HINT3: variants seen among roughly 807,000 people sequenced by gnomAD.
The protein encoded by HINT3 is adenosine 5'-monophosphoramidase HINT3.
In HINT3, 16 loss-of-function variants were observed where a neutral mutation model predicts 19.1. The observed-to-expected ratio is 0.84, with a 90% confidence interval of 0.57 to 1.27. HINT3 has a LOEUF of 1.27. Among genes scored for constraint, HINT3 ranks in the 50% most tolerant of loss-of-function variants. The probability of loss-of-function intolerance (pLI) is 0.00; values close to 1 mark genes in which losing one functional copy is unlikely to be tolerated. For synonymous variants in HINT3, 75 were observed against 84.8 expected (o/e 0.88, Z 0.63); for missense variants, 197 against 225.8 (o/e 0.87, Z 0.82).
intron 1 of HINT3, among the ~76,000 whole-genome samples, chr6:125,958,068 A>G (rs1400593472): frequency 6.6e-6 from 1 of 152,068 alleles, no homozygotes; most frequent in Non-Finnish European, 1.5e-5. Flanking sequence ...ATTTTACAGT[A>G]TTTTGTAAGC....
rs1562216734 is a variant in HINT3 at position 125,979,654 on chromosome 6, TG to T, written c.*1979del. On this transcript the variant is annotated 3_prime_UTR_variant, in exon 5 of 5. Coordinates refer to ENST00000229633, the MANE Select transcript of HINT3 (RefSeq NM_138571.5). ...CTGTAGTCCCAGCTACTGGGGAGGC[TG>T]AGGCAAGAGAATTGCTTGAACTCGG... The T allele has an allele frequency of 6.6e-6, 1 of 152,224 alleles. No individual in the cohort carries two copies. The highest frequency in any genetic ancestry group is 1.5e-5 in the Non-Finnish European group (1 of 68,116). The allele number at this position is 152,224 out of a possible 1,614,324, so 9.4% of individuals were successfully genotyped here.
rs1788850102 is a variant in HINT3 at position 125,957,156 on chromosome 6, G to A, written c.179G>A (p.Gly60Asp). The A allele has an allele frequency of 6.5e-7, 1 of 1,549,542 alleles. No homozygotes were observed. Among genetic ancestry groups the A allele is most frequent in the Non-Finnish European group, 8.7e-7 (1 of 1,146,402 alleles). The change falls in exon 1 of 5, where the codon GGC (glycine) becomes GAC (aspartate). Residue 60 changes from glycine (G) to aspartate (D), a missense_variant. Coordinates refer to ENST00000229633, the MANE Select transcript of HINT3 (RefSeq NM_138571.5). ...FCRIAGRQDP[G>D]TELLHCENED... is the part of the protein sequence containing the mutation. Reference sequence around the variant, plus strand: ...CGGATCGCGGGGCGGCAGGACCCGGGCACCGAACTCCTGCACTGCGAGGTG... The same window carrying A: ...CGGATCGCGGGGCGGCAGGACCCGGACACCGAACTCCTGCACTGCGAGGTG...
Position 125,979,124 on chromosome 6 carries a change from G to A in HINT3, c.*1448G>A, listed in dbSNP as rs6909664. On this transcript the variant is annotated 3_prime_UTR_variant, in exon 5 of 5. Coordinates refer to ENST00000229633, the MANE Select transcript of HINT3 (RefSeq NM_138571.5). ...TAGGCAGGTAGACAGTGACTGGTTA[G>A]GCTGAGAAACTTACAAGTATTTTCG... 108,317 of 152,024 alleles carry A rather than the reference G, an allele frequency of 0.71. 39,102 individuals carry two copies. Among genetic ancestry groups the A allele is most frequent in the East Asian group, 0.95 (4,903 of 5,166 alleles). 9.4% of individuals were successfully genotyped at this position (152,024 alleles called of 1,614,324 possible).
chr6:125,967,348 T>C (rs987639749), intron 2 of HINT3, among the ~76,000 whole-genome samples: 3 of 95,538 alleles, frequency 3.1e-5, no homozygotes, highest in African/African-American at 1.4e-4. Flanking sequence ...TTTTTTTTTT[T>C]TGAGACAGAA....
At chr6:125,960,582 A>G (rs527941609) in intron 1 of HINT3, among the ~76,000 whole-genome samples, 2 of 143,970 alleles carry the variant, frequency 1.4e-5, no homozygotes, top group South Asian at 2.3e-4. Context: ...GCTTGAATCC[A>G]GGAGGTGGAG....
At position 125,962,314 on chromosome 6, in the gene HINT3, T is replaced by C. The variant is rs9482720; in HGVS notation, c.202-4573T>C. Among the ~76,000 whole-genome samples, 15 of 27,626 alleles carry C rather than the reference T, an allele frequency of 5.4e-4. 3 individuals carry two copies. The highest frequency in any genetic ancestry group is 2.3e-3 in the South Asian group (1 of 442). 18.1% of individuals were successfully genotyped at this position (27,626 alleles called of 152,430 possible). ...CATATATATATATATATATCACACA[T>C]ATATATATATATATATCACACACAC... On this transcript the variant is annotated intron_variant, in intron 1 of 4. Transcript: ENST00000229633.
At chr6:125,974,034 C>T (rs1789146534) in intron 3 of HINT3, among the ~76,000 whole-genome samples, 2 of 152,200 alleles carry the variant, frequency 1.3e-5, no homozygotes, top group South Asian at 2.1e-4. Flanking sequence ...TCTGACTCCA[C>T]ATTGCTAGTC....
Position 125,978,700 on chromosome 6 carries a change from A to G in HINT3, c.*1024A>G, listed in dbSNP as rs1009577950. 2 of 152,238 alleles carry G rather than the reference A, an allele frequency of 1.3e-5. No individual in the cohort carries two copies. Among genetic ancestry groups the G allele is most frequent in the Non-Finnish European group, 2.9e-5 (2 of 68,038 alleles). The allele number at this position is 152,238 out of a possible 1,614,324, so 9.4% of individuals were successfully genotyped here. A position where few individuals can be genotyped will look rare whatever the true frequency, so the allele number is the denominator to read the frequency against. On this transcript the variant is annotated 3_prime_UTR_variant, in exon 5 of 5. Transcript: ENST00000229633. ...TAGTACCATGTAAATGAATATGAAT[A>G]AATGAACATGAGGATTAACGAACTG...
chr6:125,959,787 T>A (rs888861124), intron 1 of HINT3, among the ~76,000 whole-genome samples: 10 of 152,270 alleles, frequency 6.6e-5, no homozygotes, highest in African/African-American at 2.4e-4. Flanking sequence ...AGGTTTAAAA[T>A]GGCCCGGCGG....
intron 1 of HINT3, among the ~76,000 whole-genome samples, chr6:125,965,961 G>A (rs770361180): frequency 2.0e-5 from 3 of 152,022 alleles, no homozygotes; most frequent in Non-Finnish European, 2.9e-5. Flanking sequence ...TGGATATGAC[G>A]CACTTGTTTG....
At chr6:125,968,590 C>T (rs1242525675) in intron 2 of HINT3, among the ~76,000 whole-genome samples, 1 of 152,190 alleles carries the variant, frequency 6.6e-6, no homozygotes, top group Non-Finnish European at 1.5e-5. Context: ...AATCTCCAAA[C>T]TGCTTTCCAC....
rs1436755780 is a variant in HINT3 at position 125,979,440 on chromosome 6, G to T, written c.*1764G>T. ...TGTGGGAACTTGCAGTGATATAATT[G>T]ACAACATTATTTAACAATAATAGGT... On this transcript the variant is annotated 3_prime_UTR_variant, in exon 5 of 5. Transcript: ENST00000229633. The T allele has an allele frequency of 6.6e-6, 1 of 152,178 alleles. No individual in the cohort carries two copies. The highest frequency in any genetic ancestry group is 1.5e-5 in the Non-Finnish European group (1 of 68,032). 9.4% of individuals were successfully genotyped at this position (152,178 alleles called of 1,614,324 possible).
At chr6:125,958,801 G>T (rs764330223) in intron 1 of HINT3, among the ~76,000 whole-genome samples, 4 of 152,042 alleles carry the variant, frequency 2.6e-5, no homozygotes, top group Non-Finnish European at 5.9e-5. Flanking sequence ...TATTAACATG[G>T]TACAGTGCAC....
At chr6:125,975,119 A>T in intron 4 of HINT3, 146 bp downstream of exon 4, 1 of 640,876 alleles carries the variant, frequency 1.6e-6, no homozygotes, top group Non-Finnish European at 2.5e-6. Flanking sequence ...ATCCAAAATA[A>T]TATTTTTAAT....
intron 1 of HINT3, among the ~76,000 whole-genome samples, chr6:125,963,226 T>C (rs1481474628): frequency 6.6e-6 from 1 of 152,202 alleles, no homozygotes; most frequent in African/African-American, 2.4e-5. Flanking sequence ...AAAAAATAGA[T>C]GTCTTGCCAT....
chr6:125,958,450 A>G (rs1007102894), intron 1 of HINT3, among the ~76,000 whole-genome samples: 1 of 152,160 alleles, frequency 6.6e-6, no homozygotes, highest in African/African-American at 2.4e-5. Flanking sequence ...TGATCTTTGA[A>G]AGGTCATTCT....
rs1199439468 is a variant in HINT3, at chr6:125,957,085, C to T, written c.108C>T (p.Gly36=). The part of the protein sequence containing the change: ...VSSVGTCEAA[G]KSPEPKDYDS... ...CAGTGGGGACCTGTGAAGCCGCTGG[C>T]AAGTCACCAGAGCCCAAGGACTACG... Residue 36 remains glycine, a synonymous_variant, in exon 1 of 5, where the codon GGC becomes GGT. Transcript: ENST00000229633. 1 of 1,550,840 alleles carries T rather than the reference C, an allele frequency of 6.4e-7. No homozygotes were observed.
chr6:125,960,655 T>TTGGG (rs1554209586), intron 1 of HINT3, among the ~76,000 whole-genome samples: 1 of 76,212 alleles, frequency 1.3e-5, no homozygotes, highest in Admixed American at 1.9e-4. Context: ...AGACTCTCTC[T>TTGGG]GGGGGGGGGG....
rs1562212132 is a variant in HINT3 at position 125,962,221 on chromosome 6, TATATATATATATACAC to T, written c.202-4648_202-4633del. On this transcript the variant is annotated intron_variant, in intron 1 of 4. Coordinates refer to ENST00000229633, the MANE Select transcript of HINT3 (RefSeq NM_138571.5). Reference sequence around the variant, plus strand: ...ATATATATATATATACACATATATATATATATATATATACACATATATATATATACACACATATATA... The same window carrying T: ...ATATATATATATATACACATATATATATATATATATATACACACATATATA... 4.2e-3 allele frequency among the ~76,000 whole-genome samples: 172 copies of T among 40,826 alleles called. 12 individuals carry two copies. Among genetic ancestry groups the T allele is most frequent in the Non-Finnish European group, 4.9e-3 (127 of 25,908 alleles). The allele number at this position is 40,826 out of a possible 152,430, so 26.8% of individuals were successfully genotyped here. A position where few individuals can be genotyped will look rare whatever the true frequency, so the allele number is the denominator to read the frequency against.
Sources: allele counts gnomAD v4.1 joint callset (sites outside exome capture counted in the v4.1 genomes callset), GRCh38; gene constraint gnomAD v4.1.1; transcripts MANE v1.5; gene names NCBI Gene and HGNC (gene_info 2026-07-23, HGNC 2026-07-21).